Variants in GSK3B observed in about 807,000 individuals in gnomAD.
The protein encoded by GSK3B is glycogen synthase kinase-3 beta.
Under a neutral mutation model 56.4 loss-of-function variants are expected in GSK3B, and 15 were observed. The observed-to-expected ratio is 0.27, with a 90% CI of 0.18 to 0.41. The LOEUF is 0.41. Among genes scored for constraint, GSK3B ranks in the 10% least tolerant of loss-of-function variants. The probability of loss-of-function intolerance (pLI) is 1.00; values close to 1 mark genes in which losing one functional copy is unlikely to be tolerated. For synonymous variants in GSK3B, 181 were observed against 188.9 expected, an observed-to-expected ratio of 0.96 and a Z score of 0.34; for missense variants, 300 against 513.4, an observed-to-expected ratio of 0.58 and a Z score of 4.02.
rs61520236 is a variant in GSK3B at position 120,015,649 on chromosome 3, CAAAAAAAAAAAAAAAAAA to C, written c.89-13428_89-13411del. 7.2e-3 allele frequency among the ~76,000 whole-genome samples: 339 copies of C among 46,978 alleles called. 3 individuals are homozygous for C. The highest frequency in any genetic ancestry group is 0.024 in the Admixed American group (66 of 2,806). 30.8% of individuals were successfully genotyped at this position (46,978 alleles called of 152,430 possible). A position where few individuals can be genotyped will look rare whatever the true frequency, so the allele number is the denominator to read the frequency against. On this transcript the variant is annotated intron_variant, in intron 1 of 10. Transcript: ENST00000264235. The stretch of plus-strand genomic sequence containing the variant: ...TGGGAGACAGGGTGAGACTCTGTCT[CAAAAAAAAAAAAAAAAAA>C]AAAAAAAAAAAACTAGACATTATTG...
At chr3:119,995,692 G>A (rs948355307) in intron 2 of GSK3B, among the ~76,000 whole-genome samples, 3 of 150,720 alleles carry the variant, frequency 2.0e-5, no homozygotes, top group Non-Finnish European at 4.4e-5. Context: ...CCAAAGTGCT[G>A]GGATTACAGG....
chr3:119,997,174 A>C (rs1418407956), intron 2 of GSK3B, among the ~76,000 whole-genome samples: 2 of 152,224 alleles, frequency 1.3e-5, no homozygotes, highest in Non-Finnish European at 2.9e-5. Flanking sequence ...TATTTAGAAA[A>C]GCAACATAGT....
chr3:119,970,808 AAAAAAACAAAAAAT>A (rs909315097), intron 2 of GSK3B, among the ~76,000 whole-genome samples: 6 of 151,418 alleles, frequency 4.0e-5, no homozygotes, highest in Admixed American at 6.6e-5. Flanking sequence ...CAAACAAACA[AAAAAAACAAAAAAT>A]AAAAAACAAA....
At chr3:120,080,056 A>G (rs1221818391) in intron 1 of GSK3B, among the ~76,000 whole-genome samples, 1 of 152,166 alleles carries the variant, frequency 6.6e-6, no homozygotes, top group Non-Finnish European at 1.5e-5. Context: ...GCACTTTGAG[A>G]GACCAAGGTG....
At position 119,994,105 on chromosome 3, in the gene GSK3B, G is replaced by A. The variant is rs189665301; in HGVS notation, c.282+7941C>T. ...TCTCAATCTCCTGACCTCGTGATCC[G>A]CCCGCCTCGGCCGCCCTAAGTGCTG... On this transcript the variant is annotated intron_variant, in intron 2 of 10. Transcript: ENST00000264235. Among the ~76,000 whole-genome samples, 47 of 152,154 alleles carry A rather than the reference G, an allele frequency of 3.1e-4. No individual in the cohort carries two copies. In the East Asian group the frequency reaches 8.3e-3, roughly 27 times the overall value.
chr3:119,866,850 T>A (rs1577325950), intron 8 of GSK3B, among the ~76,000 whole-genome samples: 1 of 152,346 alleles, frequency 6.6e-6, no homozygotes, highest in African/African-American at 2.4e-5. Flanking sequence ...AAATTTTTTT[T>A]GATTGTGCAA....
chr3:120,018,452 G>C (rs1185001342), intron 1 of GSK3B, among the ~76,000 whole-genome samples: 2 of 152,214 alleles, frequency 1.3e-5, no homozygotes, highest in East Asian at 3.9e-4. Flanking sequence ...AGTGGTCCTG[G>C]AACCAATGCC....
intron 1 of GSK3B, among the ~76,000 whole-genome samples, chr3:120,070,257 C>G (rs1233650843): frequency 2.7e-5 from 4 of 150,286 alleles, no homozygotes; most frequent in African/African-American, 9.9e-5. Context: ...AAAAAACATC[C>G]TGTATATATA....
intron 6 of GSK3B, among the ~76,000 whole-genome samples, chr3:119,906,960 T>C (rs143854624): frequency 2.6e-5 from 4 of 152,216 alleles, no homozygotes; most frequent in African/African-American, 9.6e-5. Flanking sequence ...CGAGTTGATT[T>C]TGTCCAGTCC....
intron 3 of GSK3B, among the ~76,000 whole-genome samples, chr3:119,934,826 A>AT (rs1008748674): frequency 2.0e-5 from 3 of 152,172 alleles, no homozygotes; most frequent in Non-Finnish European, 4.4e-5. Context: ...ATACATGCAT[A>AT]TAAGAAATTT....
intron 2 of GSK3B, among the ~76,000 whole-genome samples, chr3:119,994,321 C>T (rs1326480623): frequency 6.6e-6 from 1 of 152,054 alleles, no homozygotes; most frequent in East Asian, 1.9e-4. Flanking sequence ...TCCTCATAAT[C>T]CTTAGAGTAG....
chr3:119,876,173 TATAAGTAC>T (rs1171986560), intron 8 of GSK3B, among the ~76,000 whole-genome samples: 1 of 152,142 alleles, frequency 6.6e-6, no homozygotes, highest in Non-Finnish European at 1.5e-5. Context: ...ACTTTAATGA[TATAAGTAC>T]ACTGCCCTTA....
intron 5 of GSK3B, among the ~76,000 whole-genome samples, chr3:119,913,443 C>T (rs2056754008): frequency 6.6e-6 from 1 of 152,002 alleles, no homozygotes; most frequent in Non-Finnish European, 1.5e-5. Context: ...TGCATGTTTT[C>T]TTATTCCAAT....
At chr3:120,067,117 C>A (rs2058287287) in intron 1 of GSK3B, among the ~76,000 whole-genome samples, 1 of 151,868 alleles carries the variant, frequency 6.6e-6, no homozygotes, top group African/African-American at 2.4e-5. Context: ...ATTAGACAAG[C>A]TTTTCTAGAC....
At chr3:119,939,462 C>G (rs1312328718) in intron 3 of GSK3B, among the ~76,000 whole-genome samples, 1 of 152,154 alleles carries the variant, frequency 6.6e-6, no homozygotes, top group South Asian at 2.1e-4. Context: ...TCCAACATCT[C>G]CAATGCTAAT....
In GSK3B at chr3:119,923,481, T is replaced by C. The variant is rs772601146; in HGVS notation, c.369A>G (p.Lys123=). The C allele has an allele frequency of 6.7e-7, 1 of 1,501,522 alleles. No homozygotes were observed. Among genetic ancestry groups the C allele is most frequent in the South Asian group, 1.2e-5 (1 of 80,830 alleles). The allele number at this position is 1,501,522 out of a possible 1,614,324, so 93.0% of individuals were successfully genotyped here. Residue 123 remains lysine (K), a splice_region_variant and synonymous_variant, in exon 4 of 11, where the codon AAA becomes AAG. Transcript: ENST00000264235. ...GCACCAGATTAAGATAGACCTCATCTTTCTGAAAGAGTTTATTTAAAAAAA... is the reference window on the plus strand; with the variant it reads ...GCACCAGATTAAGATAGACCTCATCCTTCTGAAAGAGTTTATTTAAAAAAA... ...RYFFYSSGEK[K]DEVYLNLVLD...
At chr3:119,885,931 C>T (rs1364171994) in intron 7 of GSK3B, among the ~76,000 whole-genome samples, 1 of 152,020 alleles carries the variant, frequency 6.6e-6, no homozygotes, top group Non-Finnish European at 1.5e-5. Flanking sequence ...TATAAGACCT[C>T]AAACTATAAA....
intron 1 of GSK3B, among the ~76,000 whole-genome samples, chr3:120,079,186 C>T: frequency 6.6e-6 from 1 of 151,026 alleles, no homozygotes; most frequent in Non-Finnish European, 1.5e-5. Flanking sequence ...AGCGATCCGC[C>T]CCTCCTCAGT....
intron 2 of GSK3B, among the ~76,000 whole-genome samples, chr3:119,993,338 A>G (rs1292308676): frequency 6.6e-6 from 1 of 152,120 alleles, no homozygotes; most frequent in Non-Finnish European, 1.5e-5. Context: ...GAAAACATAA[A>G]TAATTTTTTT....
Sources: gnomAD v4.1 joint callset for allele counts (sites outside exome capture counted in the v4.1 genomes callset) on GRCh38, gnomAD v4.1.1 for gene constraint, MANE v1.5 for transcripts, NCBI Gene and HGNC (gene_info 2026-07-23, HGNC 2026-07-21) for gene names.